The following PRODH2 variants were observed in gnomAD, a reference collection of about 807,000 sequenced individuals.
The protein encoded by PRODH2 is proline dehydrogenase 2.
PRODH2 carries 49 observed loss-of-function variants against 51.9 expected under a neutral mutation model. That is an observed-to-expected ratio of 0.94 (90% CI 0.75 to 1.20). The LOEUF (loss-of-function observed/expected upper bound fraction) is 1.20, where lower values mean the gene tolerates loss of function less well. Among genes scored for constraint, PRODH2 ranks in the 50% most tolerant of loss-of-function variants. The pLI is 0.00. For missense variants in PRODH2, 597 were observed against 610.9 expected (o/e 0.98, Z 0.24); for synonymous variants, 249 against 260.7 (o/e 0.96, Z 0.43).
chr19:35,802,912 G>T, intron 8 of PRODH2, 56 bp downstream of exon 8: 1 of 1,277,964 alleles, frequency 7.8e-7, no homozygotes. Flanking sequence ...GCAAAGGAGA[G>T]GAAGGGAGGG....
intron 8 of PRODH2, 49 bp from the exon 9 acceptor site, chr19:35,802,325 C>T: frequency 5.1e-6 from 8 of 1,565,870 alleles, no homozygotes; most frequent in Non-Finnish European, 7.0e-6. Context: ...GCATCTACAG[C>T]TTAAAGTCAG....
At chr19:35,810,821 A>G (rs976746224) in intron 4 of PRODH2, among the ~76,000 whole-genome samples, 2 of 152,270 alleles carry the variant, frequency 1.3e-5, no homozygotes, top group Middle Eastern at 3.4e-3. Context: ...GCCCCCGGCC[A>G]TGTTCTAAAT....
In PRODH2 at chr19:35,812,790, A is replaced by G. The variant is rs866908557; in HGVS notation, c.16T>C (p.Tyr6His). ...GGACCAGCTTGGGAACAGAGCACGT[A>G]ACAGGTCCGGAGCATCCTGGGTCCC... is the stretch of plus-strand genomic sequence containing the variant. Reference protein sequence around the residue: MLRTCYVLCSQAGPPS... With the variant: MLRTCHVLCSQAGPPS... The change falls in exon 1 of 10, where the codon TAC (tyrosine) becomes CAC (histidine). Residue 6 changes from tyrosine to histidine, a missense_variant. Transcript: ENST00000653904. 3.1e-6 allele frequency: 5 copies of G among 1,600,722 alleles called. No individual in the cohort carries two copies. The highest frequency in any genetic ancestry group is 2.7e-5 in the African/African-American group (2 of 74,718).
chr19:35,812,139 G>GC lies in PRODH2; in HGVS notation c.504dup (p.Leu169AlafsTer3). On this transcript the variant is annotated frameshift_variant, in exon 3 of 10. Transcript: ENST00000653904. LOFTEE classifies it high-confidence loss of function. ...CCCGTCTTTGCACTCCTTACACAGAGCCGAGTACTGGTCAGCGCCGTCACC... is the reference window on the plus strand; with the variant it reads ...CCCGTCTTTGCACTCCTTACACAGAGCCCGAGTACTGGTCAGCGCCGTCACC... 1.2e-6 allele frequency: 2 copies of GC among 1,614,098 alleles called. No homozygotes were observed. Among genetic ancestry groups the GC allele is most frequent in the Non-Finnish European group, 1.7e-6 (2 of 1,180,008 alleles).
rs775668013 is a variant in PRODH2 at position 35,806,540 on chromosome 19, G to A, written c.891C>T (p.Ala297=). The part of the protein sequence containing the change: ...DAEAAHRAGL[A]FGVKLVRGAY... ...CACCTCGTACCAGCTTCACTCCGAA[G>A]GCCAGGCCGGCCCTGTGCGCAGCCT... is the stretch of plus-strand genomic sequence containing the variant. The change falls in exon 7 of 10, where the codon GCC becomes GCT. Residue 297 remains alanine, a synonymous_variant. Transcript: ENST00000653904. The A allele has an allele frequency of 8.1e-6, 13 of 1,614,136 alleles. 1 individual carries two copies. In the South Asian group the frequency reaches 1.4e-4, roughly 18 times the overall value.
At chr19:35,810,290 T>TAATAAA (rs975970958) in intron 4 of PRODH2, among the ~76,000 whole-genome samples, 6 of 137,986 alleles carry the variant, frequency 4.3e-5, no homozygotes, top group African/African-American at 1.7e-4. Flanking sequence ...ATAATAATAA[T>TAATAAA]AAATAAATAG....
chr19:35,811,420 G>A (rs1190287366), intron 4 of PRODH2, among the ~76,000 whole-genome samples: 1 of 107,488 alleles, frequency 9.3e-6, no homozygotes, highest in Non-Finnish European at 1.8e-5. Flanking sequence ...GGAGGAGAGA[G>A]AAGGAAGGAA....
chr19:35,808,158 A>G (rs750425778), intron 4 of PRODH2, among the ~76,000 whole-genome samples: 3 of 152,228 alleles, frequency 2.0e-5, no homozygotes, highest in Non-Finnish European at 2.9e-5. Context: ...TGTCTGGAAC[A>G]AGATAGATGT....
chr19:35,803,042 C>A lies in PRODH2; in HGVS notation c.1038G>T (p.Val346=). Residue 346 remains valine, a synonymous_variant, in exon 8 of 10, where the codon GTG becomes GTT. Coordinates refer to ENST00000653904, the MANE Select transcript of PRODH2 (RefSeq NM_021232.2). ...GGTGGCACATGGGGCCATGGCGGGC[C>A]ACGTGCGTCAGCATCAGTTCCAGGC... ...SRCLELMLTH[V]ARHGPMCHLM... 6.4e-7 allele frequency: 1 copy of A among 1,567,872 alleles called. No homozygotes were observed. The highest frequency in any genetic ancestry group is 1.2e-5 in the South Asian group (1 of 85,202).
At position 35,807,042 on chromosome 19, in the gene PRODH2, T is replaced by C. The variant is rs761474935; in HGVS notation, c.677A>G (p.Gln226Arg). ...GCTGGTTCCAGCAGGAGGGGTTACC[T>C]GTGCCACCCGATGCAGGCGGCTGAG... Reference protein sequence around the residue: ...ASLSRLHRVAQYARAQHVRLL... With the variant: ...ASLSRLHRVARYARAQHVRLL... Residue 226 changes from glutamine to arginine, a missense_variant and splice_region_variant, in exon 5 of 10, where the codon CAG becomes CGG. Gln to Arg is a conservative substitution (Grantham distance 43). Coordinates refer to ENST00000653904, the MANE Select transcript of PRODH2 (RefSeq NM_021232.2). The C allele has an allele frequency of 6.4e-7, 1 of 1,551,100 alleles. No homozygotes were observed. Among genetic ancestry groups the C allele is most frequent in the South Asian group, 1.2e-5 (1 of 84,066 alleles).
At position 35,806,780 on chromosome 19, in the gene PRODH2, T is replaced by C. The variant is rs1478954047; in HGVS notation, c.729A>G (p.Ser243=). ...VRLLVDAEYT[S]LNPALSLLVA... ...CCAGCAGCGAGAGCGCAGGGTTCAG[T>C]GAGGTGTACTCCGCATCCACCAGGA... The change falls in exon 6 of 10, where the codon TCA becomes TCG. Residue 243 remains serine, a synonymous_variant. Coordinates refer to ENST00000653904, the MANE Select transcript of PRODH2 (RefSeq NM_021232.2). 4 of 1,612,978 alleles carry C rather than the reference T, an allele frequency of 2.5e-6. No homozygotes were observed. The highest frequency in any genetic ancestry group is 3.4e-6 in the Non-Finnish European group (4 of 1,179,652).
At chr19:35,805,276 T>C (rs1299410977) in intron 7 of PRODH2, among the ~76,000 whole-genome samples, 2 of 152,204 alleles carry the variant, frequency 1.3e-5, no homozygotes, top group South Asian at 2.1e-4. Flanking sequence ...AAATTATTAT[T>C]ATTATTTTGA....
chr19:35,802,377 G>A, intron 8 of PRODH2, 101 bp from the exon 9 acceptor site: 1 of 1,016,472 alleles, frequency 9.8e-7, no homozygotes, highest in Non-Finnish European at 1.6e-6. Context: ...TTCAAACATT[G>A]AAGTATTTCC....
intron 7 of PRODH2, among the ~76,000 whole-genome samples, chr19:35,805,473 G>C (rs552080893): frequency 1.2e-4 from 19 of 152,056 alleles, no homozygotes; most frequent in Non-Finnish European, 2.6e-4. Context: ...CACCATGTTT[G>C]TCAGGCTGGT....
rs995427369 is a variant in PRODH2 at position 35,799,997 on chromosome 19, A to G, written c.*41T>C. 2 of 1,562,880 alleles carry G rather than the reference A, an allele frequency of 1.3e-6. No homozygotes were observed. The highest frequency in any genetic ancestry group is 3.6e-5 in the Admixed American group (2 of 55,522). On this transcript the variant is annotated 3_prime_UTR_variant, in exon 10 of 10. Transcript: ENST00000653904. ...AGTGCAGGACAGCAGCTTAGGCAGC[A>G]CCTAAGGACTTTTATTGACCACATG... is the stretch of plus-strand genomic sequence containing the variant.
chr19:35,801,562 C>G (rs1280082081), intron 9 of PRODH2, among the ~76,000 whole-genome samples: 1 of 152,012 alleles, frequency 6.6e-6, no homozygotes, highest in Non-Finnish European at 1.5e-5. Context: ...AAAGCAAAAC[C>G]GAGGTGCTAT....
chr19:35,802,363 G>T, intron 8 of PRODH2, 87 bp from the exon 9 acceptor site: 1 of 1,132,780 alleles, frequency 8.8e-7, no homozygotes, highest in Non-Finnish European at 1.3e-6. Context: ...GGCGGCTCCA[G>T]TAATTCAAAC....
chr19:35,803,942 C>G (rs561860294), intron 7 of PRODH2, among the ~76,000 whole-genome samples: 1 of 65,062 alleles, frequency 1.5e-5, no homozygotes, highest in African/African-American at 3.0e-5. Context: ...TGGGTCTTCC[C>G]TATCGCCCCC....
In PRODH2 at chr19:35,802,968, C is replaced by A. The variant is rs770415408; in HGVS notation, c.1112G>T (p.Arg371Leu). 7.1e-6 allele frequency: 11 copies of A among 1,548,196 alleles called. No individual in the cohort carries two copies. Among genetic ancestry groups the A allele is most frequent in the Non-Finnish European group, 8.8e-7 (1 of 1,139,602 alleles). Residue 371 changes from arginine (R) to leucine (L), a missense_variant and splice_region_variant, in exon 8 of 10, where the codon CGC becomes CTC. Arg to Leu is a moderately radical substitution (Grantham distance 102). Transcript: ENST00000653904. The part of the protein sequence containing the change: ...NEESVRQATK[R>L]MWELGIPLDG... ...TCCCGCCCATCCCTCCACCTCATAC[C>A]GCTTGGTTGCCTGGCGAACAGATTC... is the stretch of plus-strand genomic sequence containing the variant.
Sources: gnomAD v4.1 joint callset for allele counts (sites outside exome capture counted in the v4.1 genomes callset) on GRCh38, gnomAD v4.1.1 for gene constraint, MANE v1.5 for transcripts, NCBI Gene and HGNC (gene_info 2026-07-23, HGNC 2026-07-21) for gene names.